SLC30A8: variants seen among roughly 807,000 people sequenced by gnomAD.
SLC30A8 encodes solute carrier family 30 member 8.
In SLC30A8, 27 loss-of-function variants were observed where a neutral mutation model predicts 36.9. That is an observed-to-expected ratio of 0.73 (90% CI 0.54 to 1.01). The LOEUF (loss-of-function observed/expected upper bound fraction) is 1.01. SLC30A8 is among the 50% of genes least tolerant of loss of function. The pLI is 0.00. For missense variants in SLC30A8, 439 were observed against 452.0 expected (o/e 0.97, Z 0.26); for synonymous variants, 164 against 172.4 (o/e 0.95, Z 0.38).
At chr8:117,138,062 A>G (rs938429548) in intron 1 of SLC30A8, among the ~76,000 whole-genome samples, 2 of 140,416 alleles carry the variant, frequency 1.4e-5, no homozygotes, top group Non-Finnish European at 3.1e-5. Context: ...CATTGTAGCA[A>G]AAAAAAAAAA....
chr8:116,986,082 G>A (rs778432359), intron 1 of SLC30A8, among the ~76,000 whole-genome samples: 2 of 152,100 alleles, frequency 1.3e-5, no homozygotes, highest in South Asian at 2.1e-4. Context: ...TATCCCACCC[G>A]TCACATAATT....
chr8:117,147,647 T>C (rs1231959711), intron 2 of SLC30A8: 1 of 154,130 alleles, frequency 6.5e-6, no homozygotes, highest in African/African-American at 2.4e-5. Context: ...TCAAAGAGAT[T>C]CCTAAAAGTG....
intron 1 of SLC30A8, among the ~76,000 whole-genome samples, chr8:117,015,547 C>CG (rs896417243): frequency 4.2e-5 from 6 of 141,810 alleles, no homozygotes; most frequent in Admixed American, 4.2e-4. Flanking sequence ...CCCCCCCCCC[C>CG]CAAAAAAAAG....
rs1563574607 is a variant in SLC30A8 at position 117,062,426 on chromosome 8, A to G, written c.-226+23168A>G. Among the ~76,000 whole-genome samples the G allele has an allele frequency of 3.9e-5, 6 of 152,292 alleles. No homozygotes were observed. The East Asian group carries it at 1.2e-3, about 29-fold the overall frequency. ...GGTGAAGCAGCAGCAGGCACATCAC[A>G]TGGCAAAAGTGGAGCAAGACAGAGA... is the stretch of plus-strand genomic sequence containing the variant. On this transcript the variant is annotated intron_variant, in intron 2 of 10. Coordinates refer to the SLC30A8 transcript ENST00000427715.
chr8:117,150,934 A>G (rs2130978912), intron 2 of SLC30A8, among the ~76,000 whole-genome samples: 1 of 152,112 alleles, frequency 6.6e-6, no homozygotes, highest in Middle Eastern at 3.4e-3. Flanking sequence ...AGATCTCAAC[A>G]TGCCACAGCC....
chr8:117,078,999 T>C (rs1275295120), intron 2 of SLC30A8, among the ~76,000 whole-genome samples: 1 of 151,488 alleles, frequency 6.6e-6, no homozygotes, highest in African/African-American at 2.4e-5. Context: ...GAATTCTCTT[T>C]TTTCTTTTCT....
intron 1 of SLC30A8, among the ~76,000 whole-genome samples, chr8:116,973,618 G>A (rs532019638): frequency 2.0e-5 from 3 of 152,272 alleles, no homozygotes; most frequent in Non-Finnish European, 4.4e-5. Context: ...ACTGCCCAAG[G>A]TGATTTATAG....
chr8:117,004,383 G>A (rs1283205906), intron 1 of SLC30A8, among the ~76,000 whole-genome samples: 1 of 152,198 alleles, frequency 6.6e-6, no homozygotes, highest in Non-Finnish European at 1.5e-5. Context: ...TCTAAACCTT[G>A]AATAAAGTCC....
chr8:116,974,651 T>C (rs1454786814), intron 1 of SLC30A8, among the ~76,000 whole-genome samples: 1 of 152,138 alleles, frequency 6.6e-6, no homozygotes, highest in African/African-American at 2.4e-5. Context: ...GATCTAGAAC[T>C]AGAAATACCA....
At chr8:117,030,920 T>G (rs1463462015) in intron 1 of SLC30A8, among the ~76,000 whole-genome samples, 1 of 152,202 alleles carries the variant, frequency 6.6e-6, no homozygotes, top group Non-Finnish European at 1.5e-5. Context: ...AGAACACGTC[T>G]TGGAAATTCT....
intron 2 of SLC30A8, among the ~76,000 whole-genome samples, chr8:117,047,091 G>A (rs17745149): frequency 0.37 from 56,847 of 152,012 alleles, 13,526 homozygotes; most frequent in African/African-American, 0.68. Flanking sequence ...ACGGGATCTC[G>A]GATCACAGGA....
chr8:116,958,840 C>A (rs955672813), intron 1 of SLC30A8, among the ~76,000 whole-genome samples: 46 of 72,698 alleles, frequency 6.3e-4, no homozygotes, highest in East Asian at 1.2e-3. Flanking sequence ...ATGCTCTTTT[C>A]ATTTTTTTTT....
chr8:117,000,978 C>T lies in SLC30A8; in HGVS notation c.-265-38241C>T, dbSNP rs1171880581. Among the ~76,000 whole-genome samples, 3 of 152,038 alleles carry T rather than the reference C, an allele frequency of 2.0e-5. No individual in the cohort carries two copies. In the East Asian group the frequency reaches 5.8e-4, roughly 29 times the overall value. ...TAATGTAGAAGTATTTGTTGGTTGC[C>T]TTCCCAGAATCCATTTTCCCCTTCA... On this transcript the variant is annotated intron_variant, in intron 1 of 10. Transcript: ENST00000427715.
At chr8:117,115,900 G>T (rs1283363051) in intron 2 of SLC30A8, among the ~76,000 whole-genome samples, 1 of 152,050 alleles carries the variant, frequency 6.6e-6, no homozygotes, top group East Asian at 1.9e-4. Context: ...CTAACAGGAG[G>T]GGGAGTTTTG....
chr8:117,030,510 T>C (rs1817011059), intron 1 of SLC30A8, among the ~76,000 whole-genome samples: 3 of 152,346 alleles, frequency 2.0e-5, no homozygotes, highest in Admixed American at 2.0e-4. Flanking sequence ...GCTCAATGTC[T>C]GAACTTGATC....
At chr8:116,978,579 T>C (rs1386248251) in intron 1 of SLC30A8, among the ~76,000 whole-genome samples, 1 of 152,224 alleles carries the variant, frequency 6.6e-6, no homozygotes, top group Non-Finnish European at 1.5e-5. Flanking sequence ...TTTTTTTCCC[T>C]TTGTCTCTTT....
chr8:116,994,904 T>C (rs1815764985), intron 1 of SLC30A8, among the ~76,000 whole-genome samples: 1 of 152,088 alleles, frequency 6.6e-6, no homozygotes, highest in South Asian at 2.1e-4. Flanking sequence ...TAATTATGCA[T>C]CTGATTATGG....
At chr8:116,979,651 A>T (rs1173650404) in intron 1 of SLC30A8, among the ~76,000 whole-genome samples, 1 of 152,218 alleles carries the variant, frequency 6.6e-6, no homozygotes, top group Admixed American at 6.5e-5. Flanking sequence ...GCCAAAGGCC[A>T]TGGAGGCACA....
At chr8:117,022,815 G>A (rs957956457) in intron 1 of SLC30A8, among the ~76,000 whole-genome samples, 5 of 152,140 alleles carry the variant, frequency 3.3e-5, no homozygotes, top group East Asian at 1.9e-4. Flanking sequence ...ACATAGGCAT[G>A]GGCAAGGACT....
Sources: allele counts gnomAD v4.1 joint callset (sites outside exome capture counted in the v4.1 genomes callset), GRCh38; gene constraint gnomAD v4.1.1; transcripts MANE v1.5; gene names NCBI Gene and HGNC (gene_info 2026-07-23, HGNC 2026-07-21).